The following GPHN variants were observed in gnomAD, a reference collection of about 807,000 sequenced individuals.
GPHN encodes gephyrin.
Under a neutral mutation model 95.5 loss-of-function variants are expected in GPHN, and 17 were observed. The ratio of observed to expected loss-of-function variants is 0.18; its 90% CI spans 0.12 to 0.27. The LOEUF is 0.27. Ranked by LOEUF, GPHN falls within the 10% of genes least tolerant of loss-of-function variation. The pLI is 1.00. For synonymous variants in GPHN, 320 were observed against 322.5 expected (o/e 0.99, Z 0.08); for missense variants, 660 against 978.1 (o/e 0.67, Z 4.34).
intron 3 of GPHN, among the ~76,000 whole-genome samples, chr14:66,797,459 C>T (rs1218093450): frequency 6.6e-6 from 1 of 151,794 alleles, no homozygotes; most frequent in Non-Finnish European, 1.5e-5. Context: ...TCTTCTAATC[C>T]ATGAACATGG....
intron 1 of GPHN, among the ~76,000 whole-genome samples, chr14:66,561,759 G>A (rs1308013137): frequency 6.6e-6 from 1 of 152,070 alleles, no homozygotes; most frequent in Non-Finnish European, 1.5e-5. Context: ...CATAAATGTT[G>A]TGCCTTAAGC....
intron 1 of GPHN, among the ~76,000 whole-genome samples, chr14:66,519,691 T>C (rs1240752754): frequency 6.6e-6 from 1 of 152,120 alleles, no homozygotes; most frequent in Non-Finnish European, 1.5e-5. Flanking sequence ...TGCTCATACA[T>C]AGTATTTTGC....
intron 1 of GPHN, among the ~76,000 whole-genome samples, chr14:66,586,816 A>T (rs2061439316): frequency 6.6e-6 from 1 of 152,128 alleles, no homozygotes; most frequent in African/African-American, 2.4e-5. Flanking sequence ...GATCCCACTA[A>T]AACAGTCTAA....
intron 1 of GPHN, among the ~76,000 whole-genome samples, chr14:66,573,314 T>C (rs894282790): frequency 3.3e-5 from 5 of 152,212 alleles, no homozygotes; most frequent in Admixed American, 6.5e-5. Context: ...TCTACTGTTA[T>C]TGTTTTGCTG....
chr14:67,594,788 T>C, the GPHN span, among the ~76,000 whole-genome samples: 1 of 152,086 alleles, frequency 6.6e-6, no homozygotes, highest in Non-Finnish European at 1.5e-5. Flanking sequence ...AAATTAAAAT[T>C]AAAAAATGCA....
intron 1 of GPHN, among the ~76,000 whole-genome samples, chr14:66,572,492 G>A (rs2060735718): frequency 6.6e-6 from 1 of 151,920 alleles, no homozygotes; most frequent in Non-Finnish European, 1.5e-5. Context: ...CTGTGTGTGT[G>A]TGTGTGTGTG....
the GPHN span, among the ~76,000 whole-genome samples, chr14:67,699,112 G>A: frequency 0.025 from 3,814 of 152,004 alleles, 62 homozygotes; most frequent in Admixed American, 0.032. Context: ...AATTAGCTGG[G>A]CATGGTGGCA....
the GPHN span, among the ~76,000 whole-genome samples, chr14:67,697,844 G>A: frequency 3.9e-5 from 6 of 152,204 alleles, no homozygotes; most frequent in African/African-American, 1.4e-4. Context: ...TTCTGTACAT[G>A]TAAGCTCCAC....
At chr14:67,502,457 T>TC in the GPHN span, among the ~76,000 whole-genome samples, 3 of 14,644 alleles carry the variant, frequency 2.0e-4, no homozygotes, top group Non-Finnish European at 1.8e-3. Context: ...AGGTGATTTC[T>TC]TTTTTTTTTT....
intron 9 of GPHN, among the ~76,000 whole-genome samples, chr14:66,973,759 A>G (rs2069994966): frequency 6.6e-6 from 1 of 152,194 alleles, no homozygotes; most frequent in Non-Finnish European, 1.5e-5. Flanking sequence ...CTCTGTCTCA[A>G]AAAACAAAAA....
chr14:66,911,558 G>C (rs550702001), intron 5 of GPHN, among the ~76,000 whole-genome samples: 1 of 152,114 alleles, frequency 6.6e-6, no homozygotes, highest in Admixed American at 6.6e-5. Context: ...ATCAGTGATA[G>C]TCTATTGCTT....
chr14:67,383,270 T>C, the GPHN span: 1 of 1,592,744 alleles, frequency 6.3e-7, no homozygotes, highest in Admixed American at 1.7e-5. Context: ...TAAATTTGTA[T>C]AGTATTTACT....
chr14:66,834,746 G>A (rs1373774710), intron 4 of GPHN, among the ~76,000 whole-genome samples: 3 of 151,346 alleles, frequency 2.0e-5, no homozygotes, highest in Admixed American at 6.6e-5. Context: ...CCCGGCTTTG[G>A]TATCAGAATG....
chr14:67,399,583 AAG>A, the GPHN span, among the ~76,000 whole-genome samples: 31 of 146,478 alleles, frequency 2.1e-4, 1 homozygote, highest in Admixed American at 7.4e-4. Context: ...GGCAGGAATA[AAG>A]AGAAGGGTAG....
chr14:67,438,635 T>C, the GPHN span, among the ~76,000 whole-genome samples: 16,354 of 151,816 alleles, frequency 0.11, 2,239 homozygotes, highest in African/African-American at 0.31. Flanking sequence ...TCGAGGTGGG[T>C]GGATCACTTG....
intron 18 of GPHN, among the ~76,000 whole-genome samples, chr14:67,150,325 T>C (rs930644755): frequency 1.4e-4 from 21 of 149,604 alleles, no homozygotes; most frequent in Non-Finnish European, 2.2e-4. Flanking sequence ...CCTGTAGTCC[T>C]AGCTACTTGG....
the GPHN span, among the ~76,000 whole-genome samples, chr14:67,430,914 G>A: frequency 2.0e-5 from 3 of 152,116 alleles, no homozygotes; most frequent in East Asian, 3.9e-4. Context: ...GCTGGGGATC[G>A]GGGCACCAGC....
At chr14:66,890,427 A>AAAAACCTT (rs1190654434) in intron 5 of GPHN, among the ~76,000 whole-genome samples, 53 of 152,036 alleles carry the variant, frequency 3.5e-4, no homozygotes, top group Non-Finnish European at 6.9e-4. Context: ...AAAAAAAAAA[A>AAAAACCTT]AAAACCTTTC....
chr14:67,297,435 T>C, the GPHN span, among the ~76,000 whole-genome samples: 1 of 152,234 alleles, frequency 6.6e-6, no homozygotes, highest in Non-Finnish European at 1.5e-5. Context: ...TTACTAGTTT[T>C]TTTTGTGTTT....
Sources: gnomAD v4.1 joint callset for allele counts (sites outside exome capture counted in the v4.1 genomes callset) on GRCh38, gnomAD v4.1.1 for gene constraint, MANE v1.5 for transcripts, NCBI Gene and HGNC (gene_info 2026-07-23, HGNC 2026-07-21) for gene names.